The following DAGLB variants were observed in gnomAD, a reference collection of about 807,000 sequenced individuals.
DAGLB encodes diacylglycerol lipase beta.
DAGLB carries 66 observed loss-of-function variants against 72.1 expected under a neutral mutation model. The ratio of observed to expected loss-of-function variants is 0.92; its 90% CI spans 0.75 to 1.12. The LOEUF (loss-of-function observed/expected upper bound fraction) is 1.12, where lower values mean the gene tolerates loss of function less well. Ranked by LOEUF, DAGLB falls within the 50% of genes most tolerant of loss-of-function variation. The pLI is 0.00. For missense variants in DAGLB, 1,065 were observed against 884.9 expected, an observed-to-expected ratio of 1.20 and a Z score of -2.58; for synonymous variants, 414 against 359.5, an observed-to-expected ratio of 1.15 and a Z score of -1.71.
chr7:6,434,170 C>T (rs1784579278), intron 4 of DAGLB, among the ~76,000 whole-genome samples: 6 of 151,766 alleles, frequency 4.0e-5, no homozygotes, highest in Admixed American at 3.9e-4. Context: ...TCCCTTACCT[C>T]ATCTCAGTAT....
At chr7:6,426,835 G>C (rs181377956) in intron 6 of DAGLB, among the ~76,000 whole-genome samples, 1 of 152,196 alleles carries the variant, frequency 6.6e-6, no homozygotes, top group African/African-American at 2.4e-5. Flanking sequence ...GAGGCCGGGC[G>C]TGGTGGCTGA....
intron 9 of DAGLB, chr7:6,417,565 T>C (rs2115248596): frequency 6.6e-6 from 1 of 152,342 alleles, no homozygotes; most frequent in East Asian, 1.9e-4. Flanking sequence ...AGATTTAGAC[T>C]TTTTACATAA....
intron 12 of DAGLB, 34 bp from the exon 13 acceptor site, chr7:6,412,917 C>A: frequency 6.2e-7 from 1 of 1,612,454 alleles, no homozygotes; most frequent in Non-Finnish European, 8.5e-7. Context: ...AGGCTGGGAC[C>A]TGGCACTCCC....
At position 6,434,842 on chromosome 7, in the gene DAGLB, A is replaced by G; in HGVS notation, c.598T>C (p.Leu200=). The change falls in exon 4 of 15, where the codon TTG becomes CTG. Residue 200 remains leucine, a synonymous_variant. Coordinates refer to ENST00000297056, the MANE Select transcript of DAGLB (RefSeq NM_139179.4). ...TCGTCTTTCCCAATGCAACAGCACA[A>G]GAGCTTGATTCTGGTTTCCCACACG... ...TSVWETRIKL[L]CCCIGKDDHT... is the part of the protein sequence containing the mutation. 6.2e-7 allele frequency: 1 copy of G among 1,614,180 alleles called. No individual in the cohort carries two copies. The highest frequency in any genetic ancestry group is 8.5e-7 in the Non-Finnish European group (1 of 1,180,032).
intron 2 of DAGLB, among the ~76,000 whole-genome samples, chr7:6,438,159 C>T (rs1034792184): frequency 2.0e-5 from 3 of 151,454 alleles, no homozygotes; most frequent in Admixed American, 1.3e-4. Context: ...ACAATGAGAA[C>T]ACTTGGACAC....
At chr7:6,412,071 C>G (rs1301567226) in intron 13 of DAGLB, among the ~76,000 whole-genome samples, 1 of 152,078 alleles carries the variant, frequency 6.6e-6, no homozygotes, top group Non-Finnish European at 1.5e-5. Context: ...CTCACCACCA[C>G]CCCTGGCTCA....
At chr7:6,424,634 T>C in intron 8 of DAGLB, 118 bp downstream of exon 8, 1 of 938,654 alleles carries the variant, frequency 1.1e-6, no homozygotes, top group Non-Finnish European at 1.7e-6. Context: ...TCATTTTCTG[T>C]CCTCACCATT....
chr7:6,419,749 G>A (rs1784046067), intron 9 of DAGLB, among the ~76,000 whole-genome samples: 1 of 152,224 alleles, frequency 6.6e-6, no homozygotes, highest in African/African-American at 2.4e-5. Flanking sequence ...CCTGGCCCCT[G>A]ACGGGTTTCT....
intron 3 of DAGLB, 90 bp from the exon 4 acceptor site, chr7:6,435,110 G>C (rs1784612898): frequency 1.3e-6 from 2 of 1,546,394 alleles, no homozygotes; most frequent in African/African-American, 2.7e-5. Flanking sequence ...TTCAGTTTCT[G>C]AGTCTCTACC....
intron 6 of DAGLB, among the ~76,000 whole-genome samples, chr7:6,429,184 G>C (rs935146679): frequency 1.3e-5 from 2 of 151,928 alleles, no homozygotes; most frequent in Admixed American, 6.6e-5. Flanking sequence ...ACCAGAAATG[G>C]GACAAACTGG....
intron 6 of DAGLB, 122 bp from the exon 7 acceptor site, chr7:6,426,236 C>G (rs776964818): frequency 4.8e-5 from 69 of 1,423,790 alleles, no homozygotes; most frequent in Non-Finnish European, 6.3e-5. Context: ...AGGACTTAGC[C>G]TGGCTGACAT....
At chr7:6,426,632 T>C (rs1784319216) in intron 6 of DAGLB, among the ~76,000 whole-genome samples, 1 of 152,218 alleles carries the variant, frequency 6.6e-6, no homozygotes, top group South Asian at 2.1e-4. Flanking sequence ...TTCTGACTTC[T>C]GGCATCATGT....
chr7:6,427,904 G>A (rs1784361413), intron 6 of DAGLB, among the ~76,000 whole-genome samples: 1 of 152,130 alleles, frequency 6.6e-6, no homozygotes, highest in Non-Finnish European at 1.5e-5. Context: ...AATAAACACT[G>A]TACTTAATAC....
Position 6,416,721 on chromosome 7 carries a change from C to T in DAGLB, c.1333G>A (p.Gly445Arg), listed in dbSNP as rs541853916. 6.2e-6 allele frequency: 10 copies of T among 1,613,590 alleles called. No homozygotes were observed. Among genetic ancestry groups the T allele is most frequent in the African/African-American group, 4.0e-5 (3 of 75,024 alleles). ...YRLVIVGHSL[G>R]GGAAALLATM... is the part of the protein sequence containing the mutation. ...GCCAGCAGGGCGGCCGCCCCGCCCC[C>T]GAGGCTGTGGCCCACTATGACCAGC... The change falls in exon 11 of 15, where the codon GGG becomes AGG. Residue 445 changes from glycine to arginine, a missense_variant. Coordinates refer to ENST00000297056, the MANE Select transcript of DAGLB (RefSeq NM_139179.4).
chr7:6,412,773 C>G, intron 13 of DAGLB, 38 bp downstream of exon 13: 1 of 1,556,984 alleles, frequency 6.4e-7, no homozygotes, highest in African/African-American at 1.4e-5. Flanking sequence ...GGACAGGCCC[C>G]GTGTCCTGCT....
chr7:6,433,381 T>C (rs1038445861), intron 4 of DAGLB, among the ~76,000 whole-genome samples: 1 of 152,198 alleles, frequency 6.6e-6, no homozygotes, highest in African/African-American at 2.4e-5. Flanking sequence ...TAGAGATTTA[T>C]GAGACTAAAC....
chr7:6,412,649 TCA>T, intron 13 of DAGLB, 160 bp downstream of exon 13: 4 of 785,148 alleles, frequency 5.1e-6, no homozygotes, highest in South Asian at 3.5e-5. Context: ...TTCTTAGACA[TCA>T]CAGAGTCCTA....
intron 2 of DAGLB, among the ~76,000 whole-genome samples, chr7:6,443,332 A>C (rs541742187): frequency 1.3e-5 from 2 of 150,810 alleles, no homozygotes; most frequent in East Asian, 3.9e-4. Context: ...ACGTGCCTGT[A>C]ATCTCAGCTA....
At chr7:6,426,471 T>C (rs901492527) in intron 6 of DAGLB, among the ~76,000 whole-genome samples, 1 of 152,202 alleles carries the variant, frequency 6.6e-6, no homozygotes, top group Non-Finnish European at 1.5e-5. Flanking sequence ...AGTTTCGCCA[T>C]GTTGGCCAGG....
Sources: allele counts gnomAD v4.1 joint callset (sites outside exome capture counted in the v4.1 genomes callset), GRCh38; gene constraint gnomAD v4.1.1; transcripts MANE v1.5; gene names NCBI Gene and HGNC (gene_info 2026-07-23, HGNC 2026-07-21).